EPS15: variants seen among roughly 807,000 people sequenced by gnomAD.
EPS15 encodes epidermal growth factor receptor pathway substrate 15, also known as epidermal growth factor receptor substrate 15.
In EPS15, 72 loss-of-function variants were observed where a neutral mutation model predicts 113.8. The observed-to-expected ratio is 0.63, with a 90% CI of 0.52 to 0.77. The LOEUF (loss-of-function observed/expected upper bound fraction) is 0.77, where lower values mean the gene tolerates loss of function less well. EPS15 is among the 30% of genes least tolerant of loss of function. The probability of loss-of-function intolerance (pLI) is 0.00; values close to 1 mark genes in which losing one functional copy is unlikely to be tolerated. For missense variants in EPS15, 1,048 were observed against 1,045.8 expected (o/e 1.00, Z -0.03); for synonymous variants, 344 against 363.4 (o/e 0.95, Z 0.61).
At chr1:51,449,140 T>C (rs1404908465) in intron 8 of EPS15, among the ~76,000 whole-genome samples, 2 of 152,164 alleles carry the variant, frequency 1.3e-5, no homozygotes, top group African/African-American at 4.8e-5. Context: ...TATGCACACA[T>C]ATGTTCATCA....
intron 1 of EPS15, among the ~76,000 whole-genome samples, chr1:51,493,487 T>C (rs1048558358): frequency 2.0e-5 from 3 of 149,690 alleles, no homozygotes; most frequent in African/African-American, 4.9e-5. Context: ...ATCGCACCAC[T>C]GCACTCCAGC....
chr1:51,464,238 TA>T (rs202142350), intron 6 of EPS15, among the ~76,000 whole-genome samples: 6 of 97,616 alleles, frequency 6.1e-5, no homozygotes, highest in Non-Finnish European at 8.1e-5. Context: ...TTCAAATAAA[TA>T]AAATTTTTTT....
At chr1:51,418,614 A>C (rs889740888) in intron 13 of EPS15, among the ~76,000 whole-genome samples, 8 of 152,262 alleles carry the variant, frequency 5.3e-5, no homozygotes, top group African/African-American at 1.9e-4. Context: ...TATGTCCAAG[A>C]GGCCTATGTG....
chr1:51,359,485 C>T (rs1340357018), intron 24 of EPS15, among the ~76,000 whole-genome samples: 4 of 147,742 alleles, frequency 2.7e-5, no homozygotes, highest in African/African-American at 1.0e-4. Context: ...TAAGGCTGGG[C>T]GCGATGGCTC....
intron 12 of EPS15, among the ~76,000 whole-genome samples, chr1:51,430,626 G>T (rs1278397091): frequency 6.6e-6 from 1 of 151,194 alleles, no homozygotes; most frequent in Non-Finnish European, 1.5e-5. Context: ...TAAAGTTTGA[G>T]AACAAAGACA....
rs1646212865 is a variant in EPS15 at position 51,356,123 on chromosome 1, A to G, written c.*577T>C. 1 of 208,438 alleles carries G rather than the reference A, an allele frequency of 4.8e-6. No individual in the cohort carries two copies. Among genetic ancestry groups the G allele is most frequent in the Non-Finnish European group, 9.8e-6 (1 of 102,414 alleles). 12.9% of individuals were successfully genotyped at this position (208,438 alleles called of 1,614,324 possible). A position where few individuals can be genotyped will look rare whatever the true frequency, so the allele number is the denominator to read the frequency against. ...CTGAGGCTATAATGGTTCAACCTAC[A>G]GCATCCCTTTTCCATAGTGGAGTAA... is the stretch of plus-strand genomic sequence containing the variant. On this transcript the variant is annotated 3_prime_UTR_variant, in exon 25 of 25. Transcript: ENST00000371733.
Position 51,472,966 on chromosome 1 carries a change from C to T in EPS15, c.76-18G>A, listed in dbSNP as rs369146386. The stretch of plus-strand genomic sequence containing the variant: ...GTATCAACCTGAAAAGATACAAATC[C>T]GTAAGTTGACAACAAAATACAAAAG... On this transcript the variant is annotated intron_variant, in intron 2 of 24. Transcript: ENST00000371733. The T allele has an allele frequency of 2.1e-5, 33 of 1,590,130 alleles. No individual in the cohort carries two copies. The highest frequency in any genetic ancestry group is 6.7e-5 in the East Asian group (3 of 44,786).
intron 21 of EPS15, among the ~76,000 whole-genome samples, chr1:51,376,313 T>C (rs1255274254): frequency 1.3e-5 from 2 of 152,244 alleles, no homozygotes; most frequent in Non-Finnish European, 2.9e-5. Flanking sequence ...CATGTTTTAC[T>C]GAATATTTTA....
In EPS15 at chr1:51,364,891, G is replaced by A. The variant is rs149571925; in HGVS notation, c.2197-863C>T. 4.6e-5 allele frequency among the ~76,000 whole-genome samples: 7 copies of A among 151,422 alleles called. No homozygotes were observed. The East Asian group carries it at 5.9e-4, about 13-fold the overall frequency. ...CACTCTAAGGTTGGAGTACAGTGGC[G>A]CAATCTAGGCTCACTGCAACCTCTG... is the stretch of plus-strand genomic sequence containing the variant. On this transcript the variant is annotated intron_variant, in intron 22 of 24. Transcript: ENST00000371733.
intron 1 of EPS15, among the ~76,000 whole-genome samples, chr1:51,507,835 G>A (rs921103833): frequency 2.0e-5 from 3 of 151,898 alleles, no homozygotes; most frequent in African/African-American, 4.8e-5. Flanking sequence ...TCTACTTTTC[G>A]ACATGCATGT....
At chr1:51,422,892 G>C (rs758871988) in intron 12 of EPS15, among the ~76,000 whole-genome samples, 3 of 152,232 alleles carry the variant, frequency 2.0e-5, no homozygotes, top group Non-Finnish European at 4.4e-5. Context: ...GTATAGCCAA[G>C]TTTCTCCTTC....
chr1:51,427,488 C>T (rs1651330252), intron 12 of EPS15, among the ~76,000 whole-genome samples: 1 of 152,090 alleles, frequency 6.6e-6, no homozygotes. Flanking sequence ...GAGATAATTA[C>T]AATGCAGTGT....
At position 51,444,933 on chromosome 1, in the gene EPS15, T is replaced by C; in HGVS notation, c.910A>G (p.Thr304Ala). Residue 304 changes from threonine (T) to alanine (A), a missense_variant, in exon 11 of 25, where the codon ACT becomes GCT. By Grantham distance (58) the Thr-to-Ala change is moderately conservative. Coordinates refer to ENST00000371733, the MANE Select transcript of EPS15 (RefSeq NM_001981.3). Reference sequence around the variant, plus strand: ...TCTGATGGTGGAATCATTTCAGGAGTAAGAACGTGAGGAGGATCAATGCCC... The same window carrying C: ...TCTGATGGTGGAATCATTTCAGGAGCAAGAACGTGAGGAGGATCAATGCCC... ...IKGIDPPHVL[T>A]PEMIPPSDRA... 6.2e-7 allele frequency: 1 copy of C among 1,613,958 alleles called. No homozygotes were observed. Among genetic ancestry groups the C allele is most frequent in the Non-Finnish European group, 8.5e-7 (1 of 1,179,892 alleles).
chr1:51,370,240 T>C (rs771791208), intron 21 of EPS15, among the ~76,000 whole-genome samples: 1 of 152,228 alleles, frequency 6.6e-6, no homozygotes, highest in African/African-American at 2.4e-5. Context: ...AAACCTACTG[T>C]GTTGCCAGTC....
At chr1:51,503,006 CAAA>C (rs56340331) in intron 1 of EPS15, among the ~76,000 whole-genome samples, 9 of 67,396 alleles carry the variant, frequency 1.3e-4, no homozygotes, top group Admixed American at 3.6e-4. Context: ...GACTCTGTCT[CAAA>C]AAAAAAAAAA....
chr1:51,386,593 C>T (rs1168364688), intron 21 of EPS15, among the ~76,000 whole-genome samples: 2 of 152,146 alleles, frequency 1.3e-5, no homozygotes, highest in Non-Finnish European at 2.9e-5. Flanking sequence ...AACTAACAAA[C>T]AGAAAGGACA....
chr1:51,506,411 T>C (rs1462438860), intron 1 of EPS15, among the ~76,000 whole-genome samples: 1 of 152,192 alleles, frequency 6.6e-6, no homozygotes, highest in Non-Finnish European at 1.5e-5. Flanking sequence ...AGCAGTACCT[T>C]AAAAAATTCC....
intron 22 of EPS15, among the ~76,000 whole-genome samples, chr1:51,364,833 A>T (rs1268450115): frequency 6.7e-6 from 1 of 150,180 alleles, no homozygotes; most frequent in African/African-American, 2.5e-5. Context: ...CTGATCCCAT[A>T]AAAGGATAAT....
chr1:51,475,084 A>T (rs1269208388), intron 2 of EPS15, among the ~76,000 whole-genome samples: 1 of 152,082 alleles, frequency 6.6e-6, no homozygotes, highest in Non-Finnish European at 1.5e-5. Flanking sequence ...TCTATCATTG[A>T]TGGACATTTG....
Sources: gnomAD v4.1 joint callset for allele counts (sites outside exome capture counted in the v4.1 genomes callset) on GRCh38, gnomAD v4.1.1 for gene constraint, MANE v1.5 for transcripts, NCBI Gene and HGNC (gene_info 2026-07-23, HGNC 2026-07-21) for gene names.